Variants in NAGA observed in about 807,000 individuals in gnomAD.
NAGA encodes the protein Acetylgalactosaminidase, alpha-N- (alpha-galactosidase B).
In NAGA, 42 loss-of-function variants were observed where a neutral mutation model predicts 45.6. That is an observed-to-expected ratio of 0.92 (90% CI 0.72 to 1.19). The LOEUF (loss-of-function observed/expected upper bound fraction) is 1.19, where lower values mean the gene tolerates loss of function less well. Among genes scored for constraint, NAGA ranks in the 50% most tolerant of loss-of-function variants. The pLI, the probability that NAGA is intolerant of heterozygous loss-of-function variation, is 0.00. For synonymous variants in NAGA, 176 were observed against 203.1 expected, an observed-to-expected ratio of 0.87 and a Z score of 1.13; for missense variants, 493 against 544.8, an observed-to-expected ratio of 0.90 and a Z score of 0.95.
At chr22:42,065,639 C>T in intron 6 of NAGA, 99 bp downstream of exon 6, 1 of 1,520,204 alleles carries the variant, frequency 6.6e-7, no homozygotes, top group East Asian at 2.3e-5. Flanking sequence ...TGACCTAGAA[C>T]CCGGCAGTGA....
chr22:42,061,006 A>G lies in NAGA; in HGVS notation c.1019T>C (p.Phe340Ser), dbSNP rs756447288. ...AGGCATATCGGTCCTGCAGCTGAAG[A>G]AGACTAAGGCGCTAGCCTTGTTGGA... ...PLSNKASALVFFSCRTDMPYR... is the reference protein window; with the variant it reads ...PLSNKASALVSFSCRTDMPYR... The change falls in exon 8 of 9, where the codon TTC (phenylalanine) becomes TCC (serine). Residue 340 changes from phenylalanine (F) to serine (S), a missense_variant. Physicochemically the swap from Phe to Ser is radical, Grantham distance 155. Coordinates refer to ENST00000396398, the MANE Select transcript of NAGA (RefSeq NM_000262.3). 6.2e-7 allele frequency: 1 copy of G among 1,614,212 alleles called. No homozygotes were observed. Among genetic ancestry groups the G allele is most frequent in the South Asian group, 1.1e-5 (1 of 91,086 alleles).
Position 42,066,731 on chromosome 22 carries a change from A to G in NAGA, c.576T>C (p.Tyr192=), listed in dbSNP as rs1348573226. The stretch of plus-strand genomic sequence containing the variant: ...TTACCCTTGGGGGGAGGCCGCCTTC[A>G]TAGGCTGGCCAGCTGCAGGAGAAGG... ...PIAFSCSWPA[Y]EGGLPPRVNY... Residue 192 remains tyrosine (Y), a synonymous_variant, in exon 5 of 9, where the codon TAT becomes TAC. Transcript: ENST00000396398. 1 of 1,604,204 alleles carries G rather than the reference A, an allele frequency of 6.2e-7. No individual in the cohort carries two copies. The highest frequency in any genetic ancestry group is 2.2e-5 in the East Asian group (1 of 44,528).
intron 1 of NAGA, among the ~76,000 whole-genome samples, chr22:42,068,777 T>C (rs1926892708): frequency 6.6e-6 from 1 of 152,174 alleles, no homozygotes; most frequent in Non-Finnish European, 1.5e-5. Context: ...GGATGGTGCC[T>C]GGGCCAGGCA....
chr22:42,066,873 CT>C, intron 4 of NAGA, 69 bp from the exon 5 acceptor site: 1 of 1,494,886 alleles, frequency 6.7e-7, no homozygotes, highest in African/African-American at 1.4e-5. Context: ...TAGCCCAGAC[CT>C]TTTCCCAACA....
At chr22:42,060,651 G>A (rs1289002142) in intron 8 of NAGA, among the ~76,000 whole-genome samples, 1 of 152,226 alleles carries the variant, frequency 6.6e-6, no homozygotes, top group East Asian at 1.9e-4. Flanking sequence ...TGAGGAACGT[G>A]CCAGCAAGGG....
At chr22:42,068,086 G>C in intron 2 of NAGA, 150 bp from the exon 3 acceptor site, 1 of 833,044 alleles carries the variant, frequency 1.2e-6, no homozygotes, top group Non-Finnish European at 2.0e-6. Flanking sequence ...ACCAGAGATT[G>C]TGCGATGAGC....
intron 8 of NAGA, 134 bp from the exon 9 acceptor site, chr22:42,060,547 G>A (rs140814463): frequency 1.8e-5 from 23 of 1,280,700 alleles, no homozygotes; most frequent in Non-Finnish European, 2.5e-5. Flanking sequence ...CCCTACAGAA[G>A]TGGGAGCCCT....
At chr22:42,068,301 T>G in intron 2 of NAGA, 138 bp downstream of exon 2, 1 of 1,401,400 alleles carries the variant, frequency 7.1e-7, no homozygotes, top group Non-Finnish European at 1.0e-6. Flanking sequence ...TGTCAGACAG[T>G]CCGAGTGACT....
intron 1 of NAGA, among the ~76,000 whole-genome samples, chr22:42,069,012 G>A (rs1926903940): frequency 6.6e-6 from 1 of 152,100 alleles, no homozygotes; most frequent in South Asian, 2.1e-4. Context: ...TAATCCCAAC[G>A]CTCTGGAAGG....
intron 6 of NAGA, 34 bp from the exon 7 acceptor site, chr22:42,063,058 TCTC>T (rs1272110159): frequency 1.9e-6 from 3 of 1,600,416 alleles, no homozygotes; most frequent in African/African-American, 1.3e-5. Flanking sequence ...TCAGCTCTCA[TCTC>T]CTCAAGGAGG....
chr22:42,067,177 G>C lies in NAGA; in HGVS notation c.438C>G (p.Ala146=), dbSNP rs376622171. The stretch of plus-strand genomic sequence containing the variant: ...GCTTGAGCATGTCTACCTTCCACTC[G>C]GCGAAGGTCTGAGCATCCTGGACCA... ...DKVVQDAQTF[A]EWKVDMLKLD... Residue 146 remains alanine, a synonymous_variant, in exon 4 of 9, where the codon GCC becomes GCG. Coordinates refer to ENST00000396398, the MANE Select transcript of NAGA (RefSeq NM_000262.3). 6.2e-6 allele frequency: 10 copies of C among 1,614,138 alleles called. No homozygotes were observed. In the Admixed American group the frequency reaches 1.5e-4, roughly 24 times the overall value.
At chr22:42,067,685 T>A in intron 3 of NAGA, 80 bp downstream of exon 3, 1 of 1,256,358 alleles carries the variant, frequency 8.0e-7, no homozygotes, top group Non-Finnish European at 1.1e-6. Flanking sequence ...ATCTCAATCA[T>A]GTAAGTGAGC....
intron 1 of NAGA, among the ~76,000 whole-genome samples, chr22:42,069,817 G>C (rs571547765): frequency 6.6e-6 from 1 of 152,118 alleles, no homozygotes. Context: ...TTGAAAAATC[G>C]TTAAGTCGGG....
Position 42,058,905 on chromosome 22 carries a change from C to T in NAGA, c.*1374G>A, listed in dbSNP as rs971284720. 3.3e-5 allele frequency: 5 copies of T among 152,272 alleles called. No individual in the cohort carries two copies. The highest frequency in any genetic ancestry group is 5.9e-5 in the Non-Finnish European group (4 of 68,078). The allele number at this position is 152,272 out of a possible 1,614,324, so 9.4% of individuals were successfully genotyped here. On this transcript the variant is annotated 3_prime_UTR_variant, in exon 9 of 9. Transcript: ENST00000396398. ...TCTGTCCTAAGTTTCTCAACAGCCT[C>T]AAGACATCAACTGGGGAAAGGAACT...
chr22:42,063,143 G>T, intron 6 of NAGA, 119 bp from the exon 7 acceptor site: 1 of 1,030,308 alleles, frequency 9.7e-7, no homozygotes. Context: ...ATGGCTGTAT[G>T]TGGAGGAGGC....
chr22:42,058,538 A>T lies in NAGA; in HGVS notation c.*1741T>A, dbSNP rs1926185156. The T allele has an allele frequency of 6.6e-6, 1 of 152,272 alleles. No homozygotes were observed. The allele number at this position is 152,272 out of a possible 1,614,324, so 9.4% of individuals were successfully genotyped here. A position where few individuals can be genotyped will look rare whatever the true frequency, so the allele number is the denominator to read the frequency against. On this transcript the variant is annotated 3_prime_UTR_variant, in exon 9 of 9. Transcript: ENST00000396398. ...TAACTGGCCTTGAATAGAAGGGAAT[A>T]AATGTCCTGGGAGATAGATGGCATG...
Position 42,060,307 on chromosome 22 carries a change from A to G in NAGA, c.1208T>C (p.Ile403Thr), listed in dbSNP as rs995869251. 1.9e-6 allele frequency: 3 copies of G among 1,613,362 alleles called. No individual in the cohort carries two copies. Residue 403 changes from isoleucine to threonine, a missense_variant, in exon 9 of 9, where the codon ATC becomes ACC. Transcript: ENST00000396398. ...CTGCTGGGACATCTCCAGGTTCTTG[A>G]TGGGATACAGGTACCACATCACTAC... ...SGVVMWYLYP[I>T]KNLEMSQQ
rs1342051136 is a variant in NAGA at position 42,058,428 on chromosome 22, T to C, written c.*1851A>G. 3 of 151,900 alleles carry C rather than the reference T, an allele frequency of 2.0e-5. No homozygotes were observed. Among genetic ancestry groups the C allele is most frequent in the African/African-American group, 4.8e-5 (2 of 41,342 alleles). 9.4% of individuals were successfully genotyped at this position (151,900 alleles called of 1,614,324 possible). A position where few individuals can be genotyped will look rare whatever the true frequency, so the allele number is the denominator to read the frequency against. On this transcript the variant is annotated 3_prime_UTR_variant, in exon 9 of 9. Transcript: ENST00000396398. ...TTATTTTTGTATTTGAAAGTTTTCA[T>C]GATAAAAAGTTTTTAAAAAGAGAAA...
rs1228510591 is a variant in NAGA, at chr22:42,063,057, A to T, written c.760-33T>A. ...CAGAGAAGAGGAGTAGTCAGCTCTC[A>T]TCTCCTCAAGGAGGTAGACACAGGG... On this transcript the variant is annotated intron_variant, in intron 6 of 8. Coordinates refer to ENST00000396398, the MANE Select transcript of NAGA (RefSeq NM_000262.3). 3.7e-6 allele frequency: 6 copies of T among 1,600,712 alleles called. No individual in the cohort carries two copies. In the Admixed American group the frequency reaches 6.8e-5, roughly 18 times the overall value.
Sources: allele counts gnomAD v4.1 joint callset (sites outside exome capture counted in the v4.1 genomes callset), GRCh38; gene constraint gnomAD v4.1.1; transcripts MANE v1.5; gene names NCBI Gene and HGNC (gene_info 2026-07-23, HGNC 2026-07-21).